FMN1: variants seen among roughly 807,000 people sequenced by gnomAD.
The protein encoded by FMN1 is formin-1.
A neutral mutation model predicts 132.4 loss-of-function variants in FMN1; 110 were observed. The observed-to-expected ratio is 0.83, with a 90% CI of 0.71 to 0.97. The LOEUF is 0.97. Ranked by LOEUF, FMN1 falls within the 50% of genes least tolerant of loss-of-function variation. FMN1 has a pLI of 0.00. For synonymous variants in FMN1, 722 were observed against 651.7 expected, an observed-to-expected ratio of 1.11 and a Z score of -1.64; for missense variants, 1,792 against 1,705.3, an observed-to-expected ratio of 1.05 and a Z score of -0.90.
chr15:32,900,979 C>A (rs2060280170), intron 13 of FMN1, among the ~76,000 whole-genome samples: 1 of 152,054 alleles, frequency 6.6e-6, no homozygotes, highest in African/African-American at 2.4e-5. Context: ...CATGGTAAAA[C>A]CCCATCTCTA....
At chr15:32,827,258 G>A (rs927705124) in intron 17 of FMN1, among the ~76,000 whole-genome samples, 3 of 152,152 alleles carry the variant, frequency 2.0e-5, no homozygotes, top group Admixed American at 6.5e-5. Context: ...TGTCATTTAT[G>A]AGCAACAAAA....
chr15:33,060,403 G>C (rs1041830610), intron 6 of FMN1, among the ~76,000 whole-genome samples: 1 of 152,114 alleles, frequency 6.6e-6, no homozygotes, highest in African/African-American at 2.4e-5. Context: ...GTGGCAAATA[G>C]CTCTCATTTT....
At chr15:32,860,255 G>A (rs1178562784) in intron 16 of FMN1, among the ~76,000 whole-genome samples, 2 of 151,256 alleles carry the variant, frequency 1.3e-5, no homozygotes, top group Non-Finnish European at 2.9e-5. Flanking sequence ...AAAGAAGGAA[G>A]GAAGGGGAAA....
chr15:32,797,772 T>C (rs2057337708), intron 19 of FMN1, among the ~76,000 whole-genome samples: 1 of 152,144 alleles, frequency 6.6e-6, no homozygotes, highest in South Asian at 2.1e-4. Context: ...TAATACTAGG[T>C]CAAAAATCTC....
At chr15:33,097,530 G>C (rs1391418965) in intron 4 of FMN1, among the ~76,000 whole-genome samples, 3 of 152,112 alleles carry the variant, frequency 2.0e-5, no homozygotes, top group East Asian at 1.9e-4. Flanking sequence ...AAAATATTAT[G>C]TATAGAAAAC....
At chr15:33,031,721 A>C (rs2035945838) in intron 6 of FMN1, among the ~76,000 whole-genome samples, 1 of 152,146 alleles carries the variant, frequency 6.6e-6, no homozygotes, top group Admixed American at 6.5e-5. Flanking sequence ...GGCTCTCACG[A>C]CTGGCAAGCT....
chr15:32,962,291 G>A (rs1295634021), intron 9 of FMN1, among the ~76,000 whole-genome samples: 1 of 152,100 alleles, frequency 6.6e-6, no homozygotes, highest in African/African-American at 2.4e-5. Flanking sequence ...CTAGCCATAT[G>A]TAGAAAGCTG....
At chr15:33,126,316 A>T (rs1280628510) in intron 4 of FMN1, among the ~76,000 whole-genome samples, 1 of 152,184 alleles carries the variant, frequency 6.6e-6, no homozygotes, top group Non-Finnish European at 1.5e-5. Context: ...TGGATGGGCA[A>T]CAGTCTAATA....
chr15:32,996,689 T>C (rs1432646069), intron 7 of FMN1, among the ~76,000 whole-genome samples: 1 of 152,202 alleles, frequency 6.6e-6, no homozygotes, highest in Non-Finnish European at 1.5e-5. Context: ...CTACAACAAA[T>C]TGCAGTGAAA....
rs567975773 is a variant in FMN1 at position 32,902,866 on chromosome 15, A to G, written c.3378-826T>C. On this transcript the variant is annotated intron_variant, in intron 12 of 20. Coordinates refer to ENST00000616417, the MANE Select transcript of FMN1 (RefSeq NM_001277313.2). ...AATGGGTGGAAACAGTTGGACATGA[A>G]TTCAGAAAAGGAGAAAATCTACTAA... 3.9e-5 allele frequency among the ~76,000 whole-genome samples: 6 copies of G among 152,334 alleles called. No homozygotes were observed. In the South Asian group the frequency reaches 1.2e-3, roughly 32 times the overall value.
intron 9 of FMN1, among the ~76,000 whole-genome samples, chr15:32,940,250 A>G (rs2061370330): frequency 6.6e-6 from 1 of 152,206 alleles, no homozygotes; most frequent in Non-Finnish European, 1.5e-5. Flanking sequence ...TATTCAGAGA[A>G]AAGTCAGGAG....
chr15:32,956,492 G>T (rs2061771871), intron 9 of FMN1, among the ~76,000 whole-genome samples: 1 of 151,966 alleles, frequency 6.6e-6, no homozygotes, highest in Admixed American at 6.6e-5. Context: ...TTTCCTTTCA[G>T]TAAATGCGGC....
At chr15:33,026,535 G>C (rs1368313016) in intron 6 of FMN1, among the ~76,000 whole-genome samples, 2 of 151,852 alleles carry the variant, frequency 1.3e-5, no homozygotes, top group African/African-American at 4.8e-5. Flanking sequence ...TAAAGTACTT[G>C]TAAGAAAAAG....
At chr15:33,146,945 C>A (rs540759579) in intron 4 of FMN1, among the ~76,000 whole-genome samples, 243 of 152,076 alleles carry the variant, frequency 1.6e-3, no homozygotes, top group African/African-American at 5.7e-3. Flanking sequence ...AAGGTCGAGG[C>A]GGGCAGATCA....
intron 9 of FMN1, among the ~76,000 whole-genome samples, chr15:32,945,111 A>G (rs2061481521): frequency 6.6e-6 from 1 of 152,148 alleles, no homozygotes; most frequent in Non-Finnish European, 1.5e-5. Context: ...ATTTCTAATA[A>G]TCTTCTAGGT....
intron 19 of FMN1, among the ~76,000 whole-genome samples, chr15:32,793,732 T>A (rs960333426): frequency 6.6e-6 from 1 of 152,180 alleles, no homozygotes; most frequent in African/African-American, 2.4e-5. Context: ...AAGGGATTTT[T>A]AAAAATAAGC....
At chr15:33,134,115 T>C (rs1161034153) in intron 4 of FMN1, among the ~76,000 whole-genome samples, 2 of 152,032 alleles carry the variant, frequency 1.3e-5, no homozygotes, top group African/African-American at 2.4e-5. Flanking sequence ...GCCCAGCTAA[T>C]TTTTTGTATT....
intron 9 of FMN1, among the ~76,000 whole-genome samples, 185 bp from the exon 10 acceptor site, chr15:32,926,446 A>G (rs1404344727): frequency 6.6e-6 from 1 of 152,232 alleles, no homozygotes; most frequent in Non-Finnish European, 1.5e-5. Context: ...CATCTTACAC[A>G]ATGACAGACG....
At chr15:32,970,917 CTCA>C (rs1215272855) in intron 7 of FMN1, 1 of 152,286 alleles carries the variant, frequency 6.6e-6, no homozygotes, top group East Asian at 1.9e-4. Context: ...TTTTCGAAGG[CTCA>C]TCTTCTCATA....
Sources: gnomAD v4.1 joint callset for allele counts (sites outside exome capture counted in the v4.1 genomes callset) on GRCh38, gnomAD v4.1.1 for gene constraint, MANE v1.5 for transcripts, NCBI Gene and HGNC (gene_info 2026-07-23, HGNC 2026-07-21) for gene names.